Variants in MAPKBP1 observed in about 807,000 individuals in gnomAD.
MAPKBP1 encodes mitogen-activated protein kinase-binding protein 1.
MAPKBP1 carries 71 observed loss-of-function variants against 170.5 expected under a neutral mutation model. That is an observed-to-expected ratio of 0.42 (90% CI 0.34 to 0.51). The LOEUF (loss-of-function observed/expected upper bound fraction) is 0.51. Among genes scored for constraint, MAPKBP1 ranks in the 20% least tolerant of loss-of-function variants. The pLI, the probability that MAPKBP1 is intolerant of heterozygous loss-of-function variation, is 0.06. For missense variants in MAPKBP1, 1,598 were observed against 1,933.0 expected (o/e 0.83, Z 3.25); for synonymous variants, 719 against 757.9 (o/e 0.95, Z 0.84).
At position 41,812,012 on chromosome 15, in the gene MAPKBP1, C is replaced by T. The variant is rs752197375; in HGVS notation, c.383C>T (p.Ala128Val). 1 of 1,614,134 alleles carries T rather than the reference C, an allele frequency of 6.2e-7. No individual in the cohort carries two copies. Among genetic ancestry groups the T allele is most frequent in the Admixed American group, 1.7e-5 (1 of 60,008 alleles). ...GACGTGGCAGAGCACAGCCAGGTGG[C>T]CGAGCTGCAGGAGCACAAGTATGGT... ...VWDVAEHSQVAELQEHKYGVA... is the reference protein window; with the variant it reads ...VWDVAEHSQVVELQEHKYGVA... Residue 128 changes from alanine (A) to valine (V), a missense_variant, in exon 6 of 31, where the codon GCC (alanine) becomes GTC (valine). Around this residue, in one of 6 missense-constraint regions of MAPKBP1, gnomAD observed 151 missense variants for 191.4 expected, o/e 0.79. Coordinates refer to ENST00000457542, the MANE Select transcript of MAPKBP1 (RefSeq NM_014994.3).
chr15:41,808,093 C>CTTTCTTTCTTTCTTTTTTTTTTT, intron 3 of MAPKBP1, among the ~76,000 whole-genome samples: 1 of 126,812 alleles, frequency 7.9e-6, no homozygotes. Context: ...TTATAATTTT[C>CTTTCTTTCTTTCTTTTTTTTTTT]TTTCTTTCTT....
In MAPKBP1 at chr15:41,822,999, G is replaced by A; in HGVS notation, c.3375G>A (p.Gln1125=). ...TGTCGAGACCAGCCCAGGTGCCACA[G>A]GCATCTGGTGAGCAGCCGAGAGGCA... ...ALMSRPAQVP[Q]ASGEQPRGNG... Residue 1125 remains glutamine (Q), a synonymous_variant, in exon 28 of 31, where the codon CAG becomes CAA. Transcript: ENST00000457542. 1.2e-6 allele frequency: 2 copies of A among 1,614,046 alleles called. No individual in the cohort carries two copies. The highest frequency in any genetic ancestry group is 1.3e-5 in the African/African-American group (1 of 75,038).
chr15:41,787,284 C>A (rs2064315294), intron 2 of MAPKBP1, among the ~76,000 whole-genome samples: 1 of 152,012 alleles, frequency 6.6e-6, no homozygotes. Context: ...ATAATTCCAG[C>A]ACCTAGAGAT....
rs1166671811 is a variant in MAPKBP1, at chr15:41,803,413, CAAA to C, written c.206+3519_206+3521del. On this transcript the variant is annotated intron_variant, in intron 3 of 30. Transcript: ENST00000457542. ...TGAGCGGCTGAGCAAGACTCCATCT[CAAA>C]AAAAAAAAAAAAAAAAAAAGGTTAA... is the stretch of plus-strand genomic sequence containing the variant. Among the ~76,000 whole-genome samples the C allele has an allele frequency of 3.1e-3, 35 of 11,272 alleles. 1 individual carries two copies. Among genetic ancestry groups the C allele is most frequent in the Admixed American group, 5.3e-3 (5 of 944 alleles). 7.4% of individuals were successfully genotyped at this position (11,272 alleles called of 152,430 possible).
Position 41,818,099 on chromosome 15 carries a change from G to T in MAPKBP1, c.1980+15G>T, listed in dbSNP as rs368863760. The T allele has an allele frequency of 5.6e-6, 9 of 1,613,880 alleles. No homozygotes were observed. Among genetic ancestry groups the T allele is most frequent in the Non-Finnish European group, 7.6e-6 (9 of 1,179,746 alleles). On this transcript the variant is annotated intron_variant, in intron 17 of 30. Transcript: ENST00000457542. This position sits in a 1 kb window ranked among gnomAD's most constrained non-coding sequence, Gnocchi z 5.2. Reference sequence around the variant, plus strand: ...CACTCATTAAGGTAAGGACCCAGAGGGGGTACTGGACAGGGGCTCGGGGAC... The same window carrying T: ...CACTCATTAAGGTAAGGACCCAGAGTGGGTACTGGACAGGGGCTCGGGGAC...
chr15:41,780,251 T>C (rs1232039295), intron 2 of MAPKBP1, among the ~76,000 whole-genome samples: 1 of 152,220 alleles, frequency 6.6e-6, no homozygotes, highest in Non-Finnish European at 1.5e-5. Context: ...TTTGAATGTC[T>C]TTCATTTGTC....
Position 41,818,062 on chromosome 15 carries a change from G to A in MAPKBP1, c.1958G>A (p.Gly653Asp). Residue 653 changes from glycine (G) to aspartate (D), a missense_variant, in exon 17 of 31, where the codon GGT (glycine) becomes GAT (aspartate). Coordinates refer to ENST00000457542, the MANE Select transcript of MAPKBP1 (RefSeq NM_014994.3). The surrounding 1 kb of genome is among the most constrained non-coding windows in gnomAD (Gnocchi z 5.2). ...AAGAAGCTGTTTAAAGGGTCACAGGGTGAGGACGGCACACTCATTAAGGTA... is the reference window on the plus strand; with the variant it reads ...AAGAAGCTGTTTAAAGGGTCACAGGATGAGGACGGCACACTCATTAAGGTA... ...KQKKLFKGSQ[G>D]EDGTLIKVQT... The A allele has an allele frequency of 6.2e-7, 1 of 1,614,150 alleles. No homozygotes were observed.
In MAPKBP1 at chr15:41,818,104, A is replaced by C. The variant is rs777464049; in HGVS notation, c.1980+20A>C. The C allele has an allele frequency of 6.2e-7, 1 of 1,613,538 alleles. No individual in the cohort carries two copies. The highest frequency in any genetic ancestry group is 8.5e-7 in the Non-Finnish European group (1 of 1,179,470). ...ATTAAGGTAAGGACCCAGAGGGGGTACTGGACAGGGGCTCGGGGACAGAGT... is the reference window on the plus strand; with the variant it reads ...ATTAAGGTAAGGACCCAGAGGGGGTCCTGGACAGGGGCTCGGGGACAGAGT... On this transcript the variant is annotated intron_variant, in intron 17 of 30. Transcript: ENST00000457542. This position sits in a 1 kb window ranked among gnomAD's most constrained non-coding sequence, Gnocchi z 5.2.
Position 41,827,517 on chromosome 15 carries a change from TC to T in MAPKBP1, c.*2082del, listed in dbSNP as rs2065133801. 1 of 152,234 alleles carries T rather than the reference TC, an allele frequency of 6.6e-6. No individual in the cohort carries two copies. The highest frequency in any genetic ancestry group is 2.4e-5 in the African/African-American group (1 of 41,428). The allele number at this position is 152,234 out of a possible 1,614,324, so 9.4% of individuals were successfully genotyped here. ...CCGCAGGTGGGACTCAGGTTCGCCC[TC>T]TGGGCCAGGTCCTTCACGAGGAGGG... On this transcript the variant is annotated 3_prime_UTR_variant, in exon 31 of 31. Coordinates refer to ENST00000457542, the MANE Select transcript of MAPKBP1 (RefSeq NM_014994.3).
intron 9 of MAPKBP1, among the ~76,000 whole-genome samples, chr15:41,814,339 A>G (rs2064854315): frequency 6.6e-6 from 1 of 152,168 alleles, no homozygotes; most frequent in African/African-American, 2.4e-5. Flanking sequence ...TGTTCTGTGA[A>G]GCTGTGTTCA....
intron 30 of MAPKBP1, 192 bp from the exon 31 acceptor site, chr15:41,825,017 C>T (rs2140859921): frequency 1.8e-6 from 1 of 557,264 alleles, no homozygotes; most frequent in East Asian, 2.9e-5. Flanking sequence ...TTCTGCAATC[C>T]AATGGGTTCC....
At chr15:41,794,682 A>C (rs2064454893) in intron 2 of MAPKBP1, among the ~76,000 whole-genome samples, 1 of 152,148 alleles carries the variant, frequency 6.6e-6, no homozygotes, top group Admixed American at 6.5e-5. Flanking sequence ...TATTCCTTAA[A>C]TATGTATCAA....
chr15:41,803,413 C>CAAAAAAAAAAAAA (rs1166671811), intron 3 of MAPKBP1, among the ~76,000 whole-genome samples: 2 of 11,262 alleles, frequency 1.8e-4, no homozygotes, highest in African/African-American at 2.8e-4. Context: ...GACTCCATCT[C>CAAAAAAAAAAAAA]AAAAAAAAAA....
rs1226406488 is a variant in MAPKBP1 at position 41,786,776 on chromosome 15, AAATAT to A, written c.114+11389_114+11393del. Among the ~76,000 whole-genome samples, 199 of 103,054 alleles carry A rather than the reference AAATAT, an allele frequency of 1.9e-3. 5 individuals are homozygous for A. The highest frequency in any genetic ancestry group is 0.013 in the East Asian group (57 of 4,248). 67.6% of individuals were successfully genotyped at this position (103,054 alleles called of 152,430 possible). A position where few individuals can be genotyped will look rare whatever the true frequency, so the allele number is the denominator to read the frequency against. ...CCAGACTCCGTCTAAAAAAAAAAAA[AAATAT>A]ATATATATATATATATATATATAGG... On this transcript the variant is annotated intron_variant, in intron 2 of 30. Coordinates refer to ENST00000457542, the MANE Select transcript of MAPKBP1 (RefSeq NM_014994.3).
chr15:41,823,252 G>T, intron 28 of MAPKBP1, 30 bp downstream of exon 28: 3 of 1,603,872 alleles, frequency 1.9e-6, no homozygotes, highest in Non-Finnish European at 2.6e-6. Flanking sequence ...CAGTGCCAGG[G>T]TGCAGGGTGT....
rs2065090590 is a variant in MAPKBP1 at position 41,826,234 on chromosome 15, G to A, written c.*798G>A. Reference sequence around the variant, plus strand: ...TTGTTCTTCCCTGTCCTCCACCCTGGACCCCAGCCGGCTGCTGGAGCCCAG... The same window carrying A: ...TTGTTCTTCCCTGTCCTCCACCCTGAACCCCAGCCGGCTGCTGGAGCCCAG... On this transcript the variant is annotated 3_prime_UTR_variant, in exon 31 of 31. Transcript: ENST00000457542. 6.5e-6 allele frequency: 1 copy of A among 152,826 alleles called. No homozygotes were observed. Among genetic ancestry groups the A allele is most frequent in the Non-Finnish European group, 1.5e-5 (1 of 68,242 alleles). 9.5% of individuals were successfully genotyped at this position (152,826 alleles called of 1,614,324 possible). A position where few individuals can be genotyped will look rare whatever the true frequency, so the allele number is the denominator to read the frequency against.
chr15:41,822,126 G>T lies in MAPKBP1; in HGVS notation c.3031+16G>T, dbSNP rs199862578. 5.8e-4 allele frequency: 924 copies of T among 1,597,082 alleles called. No individual in the cohort carries two copies. The highest frequency in any genetic ancestry group is 1.3e-3 in the Admixed American group (77 of 58,294). On this transcript the variant is annotated intron_variant, in intron 25 of 30. Coordinates refer to ENST00000457542, the MANE Select transcript of MAPKBP1 (RefSeq NM_014994.3). ...CCCACTGAAGGTGAGGCTGTAGCCT[G>T]GAGGGAGGGGCCATGGGGGGTGGGG... is the stretch of plus-strand genomic sequence containing the variant.
intron 2 of MAPKBP1, among the ~76,000 whole-genome samples, chr15:41,776,218 A>T (rs995771551): frequency 6.6e-6 from 1 of 152,250 alleles, no homozygotes; most frequent in East Asian, 1.9e-4. Flanking sequence ...GTGTCTTATT[A>T]GTAGCCTGTA....
At chr15:41,814,155 A>C (rs2064851040) in intron 9 of MAPKBP1, among the ~76,000 whole-genome samples, 1 of 152,194 alleles carries the variant, frequency 6.6e-6, no homozygotes, top group South Asian at 2.1e-4. Flanking sequence ...TATGGGGCTA[A>C]AGCTGTATTT....
Sources: allele counts gnomAD v4.1 joint callset (sites outside exome capture counted in the v4.1 genomes callset), GRCh38; gene constraint gnomAD v4.1.1; regional missense constraint gnomAD v4.1.1; non-coding constraint Gnocchi (gnomAD v3.1); transcripts MANE v1.5; gene names NCBI Gene and HGNC (gene_info 2026-07-23, HGNC 2026-07-21).